SGCD: variants seen among roughly 807,000 people sequenced by gnomAD.
The protein encoded by SGCD is delta-sarcoglycan.
SGCD carries 18 observed loss-of-function variants against 36.6 expected under a neutral mutation model. The observed-to-expected ratio is 0.49, with a 90% CI of 0.34 to 0.73. The LOEUF is 0.73. SGCD is among the 30% of genes least tolerant of loss of function. The pLI, the probability that SGCD is intolerant of heterozygous loss-of-function variation, is 0.01. For missense variants in SGCD, 387 were observed against 346.7 expected, an observed-to-expected ratio of 1.12 and a Z score of -0.92; for synonymous variants, 133 against 130.6, an observed-to-expected ratio of 1.02 and a Z score of -0.12.
chr5:156,569,369 A>G (rs1402278570), intron 4 of SGCD, among the ~76,000 whole-genome samples: 6 of 152,112 alleles, frequency 3.9e-5, no homozygotes, highest in Admixed American at 3.9e-4. Context: ...AGGCAGGCGG[A>G]TCACCTGAGG....
chr5:156,170,414 T>C (rs1290394508), intron 3 of SGCD, among the ~76,000 whole-genome samples: 1 of 152,202 alleles, frequency 6.6e-6, no homozygotes. Flanking sequence ...AGAAAAATCA[T>C]AAAGCCTTTG....
At chr5:155,961,396 C>T (rs1418921619) in intron 1 of SGCD, among the ~76,000 whole-genome samples, 5 of 151,982 alleles carry the variant, frequency 3.3e-5, no homozygotes, top group Non-Finnish European at 7.4e-5. Context: ...ACTGTAGCTT[C>T]AATTTTTATA....
At chr5:156,534,029 A>G (rs1438155946) in intron 4 of SGCD, among the ~76,000 whole-genome samples, 1 of 152,180 alleles carries the variant, frequency 6.6e-6, no homozygotes, top group African/African-American at 2.4e-5. Context: ...CATGTCAATC[A>G]ATGTAACACT....
intron 7 of SGCD, among the ~76,000 whole-genome samples, chr5:156,751,337 A>G (rs753036675): frequency 1.1e-4 from 16 of 152,224 alleles, no homozygotes; most frequent in Non-Finnish European, 2.1e-4. Context: ...AATTAGAGAC[A>G]TAATGAAAAA....
intron 6 of SGCD, among the ~76,000 whole-genome samples, chr5:156,597,839 T>C (rs776504385): frequency 6.6e-6 from 1 of 152,216 alleles, no homozygotes; most frequent in Non-Finnish European, 1.5e-5. Flanking sequence ...CAGAAACACC[T>C]TGTGGGGTAG....
intron 3 of SGCD, among the ~76,000 whole-genome samples, chr5:156,468,913 A>C (rs2127825437): frequency 6.6e-6 from 1 of 152,242 alleles, no homozygotes; most frequent in South Asian, 2.1e-4. Context: ...AATTGCTTGA[A>C]CCTGGGAGGC....
At chr5:156,353,838 G>C (rs1400289019) in intron 3 of SGCD, among the ~76,000 whole-genome samples, 1 of 152,154 alleles carries the variant, frequency 6.6e-6, no homozygotes, top group African/African-American at 2.4e-5. Context: ...TCAGTCCTAG[G>C]ATATGGCTCT....
chr5:155,953,595 T>A (rs1757587527), intron 1 of SGCD, among the ~76,000 whole-genome samples: 1 of 152,152 alleles, frequency 6.6e-6, no homozygotes, highest in African/African-American at 2.4e-5. Flanking sequence ...CAAACACAAG[T>A]CTGACACAAA....
intron 4 of SGCD, among the ~76,000 whole-genome samples, chr5:156,532,137 G>C (rs1757915381): frequency 6.6e-6 from 1 of 152,034 alleles, no homozygotes; most frequent in Non-Finnish European, 1.5e-5. Flanking sequence ...AAAAGGTATG[G>C]ACACTAAAAC....
chr5:155,822,551 T>C, the SGCD span, among the ~76,000 whole-genome samples: 1 of 59,804 alleles, frequency 1.7e-5, no homozygotes, highest in East Asian at 1.0e-3. Flanking sequence ...GATTAAATGA[T>C]GGAACAAAGG....
intron 1 of SGCD, among the ~76,000 whole-genome samples, chr5:155,976,426 T>C (rs1758115041): frequency 6.6e-6 from 1 of 152,174 alleles, no homozygotes; most frequent in South Asian, 2.1e-4. Context: ...TAATGCCAGA[T>C]CCAGGATTCC....
At chr5:155,982,779 C>G (rs35176390) in intron 1 of SGCD, among the ~76,000 whole-genome samples, 1 of 151,900 alleles carries the variant, frequency 6.6e-6, no homozygotes, top group African/African-American at 2.4e-5. Context: ...GGCTGCTTTC[C>G]GGGGGTGAAG....
At chr5:155,729,023 C>T in the SGCD span, among the ~76,000 whole-genome samples, 1 of 152,242 alleles carries the variant, frequency 6.6e-6, no homozygotes, top group Non-Finnish European at 1.5e-5. Flanking sequence ...CCCCCTTTAC[C>T]CCCAGCTAGC....
chr5:156,381,609 AT>A (rs1770981619), intron 3 of SGCD, among the ~76,000 whole-genome samples: 1 of 152,160 alleles, frequency 6.6e-6, no homozygotes, highest in African/African-American at 2.4e-5. Context: ...ATCATTATGC[AT>A]TTTATATTTC....
At chr5:156,442,553 C>A (rs1753543568) in intron 3 of SGCD, among the ~76,000 whole-genome samples, 2 of 152,180 alleles carry the variant, frequency 1.3e-5, no homozygotes, top group Admixed American at 1.3e-4. Context: ...AGTAGGCAGG[C>A]ACTTTTGTAG....
chr5:156,234,770 A>G (rs1765113805), intron 3 of SGCD, among the ~76,000 whole-genome samples: 1 of 152,184 alleles, frequency 6.6e-6, no homozygotes, highest in Admixed American at 6.5e-5. Context: ...AAATGTTATT[A>G]TGGTGTTTCT....
At chr5:155,804,990 G>C in the SGCD span, among the ~76,000 whole-genome samples, 1 of 152,280 alleles carries the variant, frequency 6.6e-6, no homozygotes, top group African/African-American at 2.4e-5. Context: ...GCCACATGTG[G>C]CTTTTGAGCT....
intron 1 of SGCD, among the ~76,000 whole-genome samples, chr5:156,109,667 C>G (rs971351945): frequency 6.6e-6 from 1 of 152,150 alleles, no homozygotes. Context: ...GTCTTAATCT[C>G]TCTTCCCCTC....
chr5:156,059,122 T>C (rs1473657280), intron 1 of SGCD, among the ~76,000 whole-genome samples: 2 of 144,374 alleles, frequency 1.4e-5, no homozygotes, highest in Non-Finnish European at 3.1e-5. Context: ...AAAAAAAAAG[T>C]TTTGGTTTTT....
Sources: gnomAD v4.1 joint callset for allele counts (sites outside exome capture counted in the v4.1 genomes callset) on GRCh38, gnomAD v4.1.1 for gene constraint, MANE v1.5 for transcripts, NCBI Gene and HGNC (gene_info 2026-07-23, HGNC 2026-07-21) for gene names.